KCNQ1: variants seen among roughly 807,000 people sequenced by gnomAD.
KCNQ1 encodes potassium voltage-gated channel subfamily KQT member 1.
KCNQ1 carries 49 observed loss-of-function variants against 72.4 expected under a neutral mutation model. The observed-to-expected ratio is 0.68, with a 90% CI of 0.54 to 0.86. The LOEUF (loss-of-function observed/expected upper bound fraction) is 0.86, where lower values mean the gene tolerates loss of function less well. Among genes scored for constraint, KCNQ1 ranks in the 40% least tolerant of loss-of-function variants. KCNQ1 has a pLI of 0.00. For synonymous variants in KCNQ1, 450 were observed against 412.6 expected (o/e 1.09, Z -1.10); for missense variants, 790 against 945.1 (o/e 0.84, Z 2.15).
rs1204661176 is a variant in KCNQ1 at position 2,509,036 on chromosome 11, G to T, written c.387-18892G>T. On this transcript the variant is annotated intron_variant, in intron 1 of 15. Coordinates refer to ENST00000155840, the MANE Select transcript of KCNQ1 (RefSeq NM_000218.3). The surrounding 1 kb of genome is among the most constrained non-coding windows in gnomAD (Gnocchi z 6.3). Reference sequence around the variant, plus strand: ...GGGATTTGACTGAGCAATCTGGAAGGCTTCCTGGAGGAGGAGCTATTGCTC... The same window carrying T: ...GGGATTTGACTGAGCAATCTGGAAGTCTTCCTGGAGGAGGAGCTATTGCTC... Among the ~76,000 whole-genome samples the T allele has an allele frequency of 6.6e-6, 1 of 152,200 alleles. No individual in the cohort carries two copies. Among genetic ancestry groups the T allele is most frequent in the Non-Finnish European group, 1.5e-5 (1 of 68,036 alleles).
At chr11:2,587,846 C>A (rs537196212) in intron 9 of KCNQ1, among the ~76,000 whole-genome samples, 154 bp downstream of exon 9, 1 of 152,284 alleles carries the variant, frequency 6.6e-6, no homozygotes, top group Non-Finnish European at 1.5e-5. Context: ...GGGCCATACA[C>A]CCGATGCTAG....
chr11:2,763,666 G>A (rs1026872217), intron 11 of KCNQ1, among the ~76,000 whole-genome samples: 14 of 151,978 alleles, frequency 9.2e-5, no homozygotes, highest in African/African-American at 2.2e-4. Context: ...CAAGCAGTCC[G>A]CCCATCTCAG....
intron 11 of KCNQ1, among the ~76,000 whole-genome samples, chr11:2,733,179 G>A (rs1055080596): frequency 1.3e-5 from 2 of 151,964 alleles, no homozygotes; most frequent in African/African-American, 2.4e-5. Context: ...GAAGAGCAGA[G>A]CCCTGAGCTC....
chr11:2,646,552 G>A, intron 10 of KCNQ1: 2 of 398,602 alleles, frequency 5.0e-6, no homozygotes, highest in Non-Finnish European at 8.8e-6. Context: ...TGCAGACAGG[G>A]TCTCACTCTG....
chr11:2,665,033 G>A (rs926400810), intron 11 of KCNQ1: 7 of 398,526 alleles, frequency 1.8e-5, no homozygotes, highest in Admixed American at 4.4e-5. Flanking sequence ...GGTGGGGGGT[G>A]AGCAGGCCTG....
In KCNQ1 at chr11:2,813,530, C is replaced by T. The variant is rs1487020503; in HGVS notation, c.1795-34237C>T. Among the ~76,000 whole-genome samples, 3 of 152,090 alleles carry T rather than the reference C, an allele frequency of 2.0e-5. No homozygotes were observed. Among genetic ancestry groups the T allele is most frequent in the Non-Finnish European group, 4.4e-5 (3 of 68,020 alleles). ...CTGACAACACCTCCAGCCCCTGTCT[C>T]TATGGTCCCCTCCTTGATCTGGAGC... On this transcript the variant is annotated intron_variant, in intron 15 of 15. Transcript: ENST00000155840. The surrounding 1 kb of genome is among the most constrained non-coding windows in gnomAD (Gnocchi z 4.4).
chr11:2,721,465 G>A (rs552056409), intron 11 of KCNQ1, among the ~76,000 whole-genome samples: 5 of 152,372 alleles, frequency 3.3e-5, no homozygotes, highest in South Asian at 2.1e-4. Context: ...TCTCCAGCTC[G>A]CAAGAGGGGC....
At chr11:2,666,968 G>A (rs533291618) in intron 11 of KCNQ1, 6 of 398,722 alleles carry the variant, frequency 1.5e-5, no homozygotes, top group Middle Eastern at 6.3e-4. Flanking sequence ...AAGCCCTCTG[G>A]GGGCCCGCCC....
chr11:2,845,473 G>C (rs1422121902), intron 15 of KCNQ1, among the ~76,000 whole-genome samples: 1 of 152,236 alleles, frequency 6.6e-6, no homozygotes, highest in Non-Finnish European at 1.5e-5. Flanking sequence ...TTGGGTGTGA[G>C]AGACCCCGGT....
At chr11:2,744,289 G>A (rs56037684) in intron 11 of KCNQ1, among the ~76,000 whole-genome samples, 314 of 152,346 alleles carry the variant, frequency 2.1e-3, no homozygotes, top group Non-Finnish European at 3.7e-3. Flanking sequence ...ACACCAATGC[G>A]GCACTCAGAG....
Position 2,623,928 on chromosome 11 carries a change from T to C in KCNQ1, c.1393+35074T>C, listed in dbSNP as rs1042470197. On this transcript the variant is annotated intron_variant, in intron 10 of 15. Transcript: ENST00000155840. The surrounding 1 kb of genome is among the most constrained non-coding windows in gnomAD (Gnocchi z 5.2). ...ATGGATCCTATGATAATTCCATTTTTAATTCTTTGAAGAACCACCAAACTC... is the reference window on the plus strand; with the variant it reads ...ATGGATCCTATGATAATTCCATTTTCAATTCTTTGAAGAACCACCAAACTC... 6 of 398,512 alleles carry C rather than the reference T, an allele frequency of 1.5e-5. No individual in the cohort carries two copies. The highest frequency in any genetic ancestry group is 1.3e-4 in the Admixed American group (3 of 22,718). 24.7% of individuals were successfully genotyped at this position (398,512 alleles called of 1,614,324 possible).
Position 2,620,218 on chromosome 11 carries a change from T to TTA in KCNQ1, c.1393+31365_1393+31366insAT, listed in dbSNP as rs1564835896. ...ATTCATGTATATATATATATTTTTTTTTTTTATTTTTTTTTTAGACGGAGT... is the reference window on the plus strand; with the variant it reads ...ATTCATGTATATATATATATTTTTTTTATTTTTATTTTTTTTTTAGACGGAGT... On this transcript the variant is annotated intron_variant, in intron 10 of 15. Coordinates refer to ENST00000155840, the MANE Select transcript of KCNQ1 (RefSeq NM_000218.3). The surrounding 1 kb of genome is among the most constrained non-coding windows in gnomAD (Gnocchi z 4.5). The TTA allele has an allele frequency of 1.9e-4, 54 of 282,760 alleles. 1 individual carries two copies. The Middle Eastern group carries it at 5.4e-3, about 28-fold the overall frequency. The allele number at this position is 282,760 out of a possible 1,614,324, so 17.5% of individuals were successfully genotyped here.
chr11:2,731,345 C>T (rs534789458), intron 11 of KCNQ1, among the ~76,000 whole-genome samples: 191 of 152,344 alleles, frequency 1.3e-3, no homozygotes, highest in Middle Eastern at 6.8e-3. Context: ...GTCCCACAGT[C>T]GGCATGCCAG....
chr11:2,534,972 C>G (rs1000227740), intron 2 of KCNQ1, among the ~76,000 whole-genome samples: 1 of 152,206 alleles, frequency 6.6e-6, no homozygotes, highest in African/African-American at 2.4e-5. Context: ...TGGTTCCTGT[C>G]TGCACTGAGC....
At position 2,690,722 on chromosome 11, in the gene KCNQ1, G is replaced by A; in HGVS notation, c.1514+28641G>A. On this transcript the variant is annotated intron_variant, in intron 11 of 15. Coordinates refer to ENST00000155840, the MANE Select transcript of KCNQ1 (RefSeq NM_000218.3). The surrounding 1 kb of genome is among the most constrained non-coding windows in gnomAD (Gnocchi z 5.1). ...CCTGAGGGCTTTCCATTTGATCCCA[G>A]TGGTTGAAGATGGAGTATGATCCCA... The A allele has an allele frequency of 2.5e-6, 1 of 398,658 alleles. No homozygotes were observed. Among genetic ancestry groups the A allele is most frequent in the Non-Finnish European group, 4.4e-6 (1 of 226,082 alleles). 24.7% of individuals were successfully genotyped at this position (398,658 alleles called of 1,614,324 possible).
rs1055053914 is a variant in KCNQ1, at chr11:2,683,435, G to T, written c.1514+21354G>T. Reference sequence around the variant, plus strand: ...AAGCTTTCCCCAGGAATGGGTAACTGGAAAAATGTAGGAATTACATATGAT... The same window carrying T: ...AAGCTTTCCCCAGGAATGGGTAACTTGAAAAATGTAGGAATTACATATGAT... On this transcript the variant is annotated intron_variant, in intron 11 of 15. Transcript: ENST00000155840. The surrounding 1 kb of genome is among the most constrained non-coding windows in gnomAD (Gnocchi z 4.7). The T allele has an allele frequency of 2.5e-6, 1 of 398,458 alleles. No homozygotes were observed. Among genetic ancestry groups the T allele is most frequent in the African/African-American group, 2.1e-5 (1 of 48,610 alleles). The allele number at this position is 398,458 out of a possible 1,614,324, so 24.7% of individuals were successfully genotyped here.
At chr11:2,812,616 A>C (rs1413175135) in intron 15 of KCNQ1, among the ~76,000 whole-genome samples, 1 of 152,108 alleles carries the variant, frequency 6.6e-6, no homozygotes, top group Non-Finnish European at 1.5e-5. Context: ...CTCCCCCTAC[A>C]TTCCTGTCTC....
At chr11:2,505,723 C>T (rs1847093525) in intron 1 of KCNQ1, among the ~76,000 whole-genome samples, 1 of 152,116 alleles carries the variant, frequency 6.6e-6, no homozygotes, top group African/African-American at 2.4e-5. Context: ...GTGCAGCGTC[C>T]TCTTTTGTCT....
chr11:2,650,149 A>T, intron 10 of KCNQ1: 1 of 398,052 alleles, frequency 2.5e-6, no homozygotes, highest in Non-Finnish European at 4.4e-6. Context: ...GTTCTTTTTC[A>T]TATCTAACTC....
Sources: allele counts gnomAD v4.1 joint callset (sites outside exome capture counted in the v4.1 genomes callset), GRCh38; gene constraint gnomAD v4.1.1; non-coding constraint Gnocchi (gnomAD v3.1); transcripts MANE v1.5; gene names NCBI Gene and HGNC (gene_info 2026-07-23, HGNC 2026-07-21).